The following MARCHF2 variants were observed in gnomAD, a reference collection of about 807,000 sequenced individuals.
The protein encoded by MARCHF2 is membrane associated ring-CH-type finger 2, also known as E3 ubiquitin-protein ligase MARCHF2.
MARCHF2 carries 22 observed loss-of-function variants against 24.0 expected under a neutral mutation model. The ratio of observed to expected loss-of-function variants is 0.92; its 90% CI spans 0.66 to 1.31. The LOEUF is 1.31. Ranked by LOEUF, MARCHF2 falls within the 50% of genes most tolerant of loss-of-function variation. The probability of loss-of-function intolerance (pLI) is 0.00; values close to 1 mark genes in which losing one functional copy is unlikely to be tolerated. For missense variants in MARCHF2, 301 were observed against 335.3 expected (o/e 0.90, Z 0.80); for synonymous variants, 154 against 153.0 (o/e 1.01, Z -0.05).
chr19:8,419,462 C>G (rs1967168075), intron 1 of MARCHF2, among the ~76,000 whole-genome samples: 1 of 151,518 alleles, frequency 6.6e-6, no homozygotes, highest in South Asian at 2.1e-4. Flanking sequence ...CCATTGCACT[C>G]CAGCCTGGGC....
intron 2 of MARCHF2, 143 bp from the exon 3 acceptor site, chr19:8,426,466 A>T: frequency 1.5e-6 from 1 of 655,212 alleles, no homozygotes. Context: ...AGGGAAGGAC[A>T]TTTAGAGCTG....
intron 2 of MARCHF2, among the ~76,000 whole-genome samples, chr19:8,424,235 A>C (rs1967334128): frequency 6.6e-6 from 1 of 152,092 alleles, no homozygotes. Context: ...AGCTTTCTGC[A>C]GATGCTTTTT....
In MARCHF2 at chr19:8,415,743, AC is replaced by A. The variant is rs67033917; in HGVS notation, c.-53+2324del. ...TCTCAAAAAAAAAAAAACAAAAAAA[AC>A]AAAAAAAAAAACCAGACAAAAGAAA... is the stretch of plus-strand genomic sequence containing the variant. On this transcript the variant is annotated intron_variant, in intron 1 of 4. Coordinates refer to ENST00000215555, the MANE Select transcript of MARCHF2 (RefSeq NM_001005415.2). Among the ~76,000 whole-genome samples the A allele has an allele frequency of 5.2e-3, 280 of 54,020 alleles. 16 individuals are homozygous for A. The highest frequency in any genetic ancestry group is 0.01 in the Middle Eastern group (1 of 96). The allele number at this position is 54,020 out of a possible 152,430, so 35.4% of individuals were successfully genotyped here.
chr19:8,434,534 G>A (rs930578068), intron 4 of MARCHF2, among the ~76,000 whole-genome samples: 2 of 151,350 alleles, frequency 1.3e-5, no homozygotes, highest in African/African-American at 4.8e-5. Context: ...TGTATGGGTG[G>A]ACCATATTTA....
At chr19:8,431,056 T>C (rs1322025258) in intron 4 of MARCHF2, among the ~76,000 whole-genome samples, 189 bp downstream of exon 4, 1 of 151,984 alleles carries the variant, frequency 6.6e-6, no homozygotes, top group Non-Finnish European at 1.5e-5. Context: ...GTGACAAAGG[T>C]CTAGGGAATC....
intron 3 of MARCHF2, among the ~76,000 whole-genome samples, chr19:8,429,803 CTTTTTTTTTTTTTT>C (rs371323385): frequency 6.3e-5 from 5 of 79,678 alleles, no homozygotes; most frequent in Admixed American, 4.6e-4. Context: ...CACACCAGGG[CTTTTTTTTTTTTTT>C]TTTTTTTTTA....
At chr19:8,422,040 C>T (rs758474679) in intron 2 of MARCHF2, 24 bp downstream of exon 2, 76 of 1,583,004 alleles carry the variant, frequency 4.8e-5, no homozygotes, top group Non-Finnish European at 6.4e-5. Context: ...GCGTGGATAT[C>T]CTGGCCTTTG....
rs372227897 is a variant in MARCHF2 at position 8,419,012 on chromosome 19, G to C, written c.-52-2777G>C. ...GGGAACAGAGATCCTTGGCTCCAGG[G>C]CACCTGTATTGGCTTCAAGGAGGTC... On this transcript the variant is annotated intron_variant, in intron 1 of 4. Coordinates refer to ENST00000215555, the MANE Select transcript of MARCHF2 (RefSeq NM_001005415.2). 4.6e-5 allele frequency among the ~76,000 whole-genome samples: 7 copies of C among 152,110 alleles called. 2 individuals carry two copies. Among genetic ancestry groups the C allele is most frequent in the African/African-American group, 1.7e-4 (7 of 41,508 alleles).
At position 8,430,627 on chromosome 19, in the gene MARCHF2, TCTC is replaced by T; in HGVS notation, c.373-27_373-25del. 6.3e-7 allele frequency: 1 copy of T among 1,584,608 alleles called. No homozygotes were observed. Among genetic ancestry groups the T allele is most frequent in the Non-Finnish European group, 8.6e-7 (1 of 1,164,952 alleles). Reference sequence around the variant, plus strand: ...CCTCAGTAGCCCCTTCTCTGCCCCCTCTCCTCTGCCCCCTATCCTCTCCCCTGC... The same window carrying T: ...CCTCAGTAGCCCCTTCTCTGCCCCCTCTCTGCCCCCTATCCTCTCCCCTGC... On this transcript the variant is annotated intron_variant, in intron 3 of 4. Coordinates refer to ENST00000215555, the MANE Select transcript of MARCHF2 (RefSeq NM_001005415.2). This position sits in a 1 kb window ranked among gnomAD's most constrained non-coding sequence, Gnocchi z 4.4.
chr19:8,420,160 AAAATAAATAAAT>A (rs74176647), intron 1 of MARCHF2, among the ~76,000 whole-genome samples: 1,748 of 130,558 alleles, frequency 0.013, 26 homozygotes, highest in Non-Finnish European at 0.022. Flanking sequence ...TCCGTCTCAA[AAAATAAATAAAT>A]AAATAAATAA....
intron 1 of MARCHF2, among the ~76,000 whole-genome samples, chr19:8,418,077 A>G (rs961165963): frequency 6.6e-6 from 1 of 150,928 alleles, no homozygotes; most frequent in East Asian, 1.9e-4. Flanking sequence ...ACCCTGTCTT[A>G]AAAAAAAAGA....
At chr19:8,415,125 G>A (rs753250555) in intron 1 of MARCHF2, among the ~76,000 whole-genome samples, 8 of 152,188 alleles carry the variant, frequency 5.3e-5, no homozygotes, top group Non-Finnish European at 1.0e-4. Context: ...CAGGCCGGGC[G>A]TGGTGGCTCA....
intron 1 of MARCHF2, among the ~76,000 whole-genome samples, chr19:8,419,990 G>A (rs1326760185): frequency 6.9e-6 from 1 of 144,032 alleles, no homozygotes. Flanking sequence ...AACCCCGTCT[G>A]TACTAAAAAT....
At chr19:8,422,128 G>A in intron 2 of MARCHF2, 112 bp downstream of exon 2, 1 of 1,123,414 alleles carries the variant, frequency 8.9e-7, no homozygotes, top group Non-Finnish European at 1.2e-6. Context: ...GGGCCAAGTG[G>A]GTAAATAGAG....
chr19:8,435,828 CTG>C (rs35027764), intron 4 of MARCHF2, among the ~76,000 whole-genome samples: 28,851 of 140,868 alleles, frequency 0.2, 3,157 homozygotes, highest in African/African-American at 0.3. Context: ...TGCACCTGGC[CTG>C]TGTGTGTGTG....
At chr19:8,429,407 C>T (rs1967512046) in intron 3 of MARCHF2, among the ~76,000 whole-genome samples, 1 of 151,214 alleles carries the variant, frequency 6.6e-6, no homozygotes, top group Non-Finnish European at 1.5e-5. Flanking sequence ...CACTTGAGGC[C>T]AGGAGTTCAA....
intron 4 of MARCHF2, among the ~76,000 whole-genome samples, chr19:8,437,407 C>T (rs368064960): frequency 4.2e-5 from 6 of 142,888 alleles, no homozygotes; most frequent in East Asian, 4.3e-4. Context: ...GCTGGAGTGC[C>T]GTGGTGCGAT....
chr19:8,429,769 G>C (rs576443956), intron 3 of MARCHF2, among the ~76,000 whole-genome samples: 1 of 145,216 alleles, frequency 6.9e-6, no homozygotes, highest in African/African-American at 2.5e-5. Flanking sequence ...CTGCCAAAGT[G>C]CTAGGATTAC....
At chr19:8,418,896 G>A (rs1967152812) in intron 1 of MARCHF2, 1 of 152,144 alleles carries the variant, frequency 6.6e-6, no homozygotes, top group African/African-American at 2.4e-5. Flanking sequence ...ACTTCGCTGA[G>A]TACTTGATTG....
Sources: gnomAD v4.1 joint callset for allele counts (sites outside exome capture counted in the v4.1 genomes callset) on GRCh38, gnomAD v4.1.1 for gene constraint, Gnocchi (gnomAD v3.1) non-coding constraint, MANE v1.5 for transcripts, NCBI Gene and HGNC (gene_info 2026-07-23, HGNC 2026-07-21) for gene names.